The following HTR4 variants were observed in gnomAD, a reference collection of about 807,000 sequenced individuals.
HTR4 encodes the protein 5-hydroxytryptamine (serotonin) receptor 4, G protein-coupled.
Under a neutral mutation model 36.8 loss-of-function variants are expected in HTR4, and 16 were observed. That is an observed-to-expected ratio of 0.43 (90% CI 0.29 to 0.66). The LOEUF is 0.66. Among genes scored for constraint, HTR4 ranks in the 30% least tolerant of loss-of-function variants. The pLI, the probability that HTR4 is intolerant of heterozygous loss-of-function variation, is 0.13. For missense variants in HTR4, 438 were observed against 490.9 expected (o/e 0.89, Z 1.02); for synonymous variants, 189 against 185.1 (o/e 1.02, Z -0.17).
chr5:148,502,253 G>A (rs1756967858), intron 6 of HTR4, among the ~76,000 whole-genome samples: 2 of 152,134 alleles, frequency 1.3e-5, no homozygotes, highest in African/African-American at 4.8e-5. Flanking sequence ...CTCCAAGTGG[G>A]GGCAGACTGA....
In HTR4 at chr5:148,520,931, A is replaced by T. The variant is rs1413258995; in HGVS notation, c.507+2262T>A. On this transcript the variant is annotated intron_variant, in intron 5 of 6. Transcript: ENST00000377888. ...ACTTGTTCTGACATACCGCATGAAAATCCTGGCCCAGGCCTTGGTTTAGAC... is the reference window on the plus strand; with the variant it reads ...ACTTGTTCTGACATACCGCATGAAATTCCTGGCCCAGGCCTTGGTTTAGAC... 5.8e-6 allele frequency: 8 copies of T among 1,367,830 alleles called. No homozygotes were observed. In the South Asian group the frequency reaches 6.8e-5, roughly 12 times the overall value. 84.7% of individuals were successfully genotyped at this position (1,367,830 alleles called of 1,614,324 possible).
intron 4 of HTR4, among the ~76,000 whole-genome samples, chr5:148,535,809 A>G (rs753176180): frequency 1.2e-4 from 18 of 152,204 alleles, no homozygotes; most frequent in Non-Finnish European, 2.1e-4. Flanking sequence ...CTTGGAAAAC[A>G]TATTTCAGAA....
intron 2 of HTR4, among the ~76,000 whole-genome samples, chr5:148,631,261 T>C (rs577276629): frequency 2.6e-5 from 4 of 152,308 alleles, no homozygotes; most frequent in South Asian, 2.1e-4. Flanking sequence ...AGCAGTGAAG[T>C]TGAGTATTAT....
intron 6 of HTR4, chr5:148,484,414 T>C (rs1306305486): frequency 1.9e-6 from 3 of 1,586,618 alleles, no homozygotes; most frequent in East Asian, 2.2e-5. Flanking sequence ...CATGAATTAT[T>C]ATACAACAGT....
At chr5:148,537,663 C>T (rs1411560373) in intron 4 of HTR4, among the ~76,000 whole-genome samples, 5 of 152,082 alleles carry the variant, frequency 3.3e-5, no homozygotes, top group African/African-American at 1.2e-4. Context: ...CGGACACATA[C>T]ACCCTCCCAA....
chr5:148,559,572 T>C (rs1760098755), intron 2 of HTR4, among the ~76,000 whole-genome samples: 1 of 152,110 alleles, frequency 6.6e-6, no homozygotes, highest in Admixed American at 6.5e-5. Flanking sequence ...TCTTTCCCCC[T>C]AGGTTTCTTG....
intron 5 of HTR4, among the ~76,000 whole-genome samples, chr5:148,518,039 T>C (rs955892480): frequency 7.2e-5 from 11 of 152,138 alleles, no homozygotes; most frequent in Admixed American, 6.6e-4. Flanking sequence ...TTGCACTTGC[T>C]ATTTTTCTGG....
At chr5:148,641,907 G>T (rs146498591) in intron 1 of HTR4, among the ~76,000 whole-genome samples, 37 of 152,266 alleles carry the variant, frequency 2.4e-4, no homozygotes, top group African/African-American at 8.4e-4. Context: ...GTGAGCACAG[G>T]GTTCACATGT....
At chr5:148,538,050 GC>G (rs1758918060) in intron 4 of HTR4, among the ~76,000 whole-genome samples, 1 of 152,044 alleles carries the variant, frequency 6.6e-6, no homozygotes, top group Non-Finnish European at 1.5e-5. Context: ...GTAAGCTTCA[GC>G]CTCAGGATTC....
At chr5:148,514,580 T>A (rs1757644973) in intron 5 of HTR4, among the ~76,000 whole-genome samples, 1 of 152,162 alleles carries the variant, frequency 6.6e-6, no homozygotes, top group African/African-American at 2.4e-5. Context: ...CTTAACCCAA[T>A]GTCACTTACC....
At chr5:148,628,047 C>T (rs1035145498) in intron 2 of HTR4, among the ~76,000 whole-genome samples, 6 of 152,188 alleles carry the variant, frequency 3.9e-5, no homozygotes, top group Non-Finnish European at 7.4e-5. Context: ...CTCACAGTTA[C>T]GACTCTGGTA....
chr5:148,476,175 C>T (rs892464630), downstream of HTR4, among the ~76,000 whole-genome samples: 17 of 152,214 alleles, frequency 1.1e-4, no homozygotes, highest in African/African-American at 4.1e-4. Flanking sequence ...TGGGTCCATT[C>T]TACATCTCTG....
intron 6 of HTR4, among the ~76,000 whole-genome samples, chr5:148,503,220 A>G (rs370911055): frequency 6.6e-6 from 1 of 152,130 alleles, no homozygotes; most frequent in Non-Finnish European, 1.5e-5. Flanking sequence ...ATGAAGGAAA[A>G]AATGTTAAGG....
In HTR4 at chr5:148,523,349, G is replaced by A. The variant is rs368907191; in HGVS notation, c.354-3C>T. On this transcript the variant is annotated splice_polypyrimidine_tract_variant and splice_region_variant and intron_variant, in intron 4 of 6. Transcript: ENST00000377888. Reference sequence around the variant, plus strand: ...GCTGGCAGCAGATGGCGTAATACCTGGAGAGAGAATAGAGGGCAGAGCATA... The same window carrying A: ...GCTGGCAGCAGATGGCGTAATACCTAGAGAGAGAATAGAGGGCAGAGCATA... 1.2e-6 allele frequency: 2 copies of A among 1,605,272 alleles called. No individual in the cohort carries two copies. The highest frequency in any genetic ancestry group is 1.7e-6 in the Non-Finnish European group (2 of 1,176,676).
chr5:148,540,211 G>A lies in HTR4; in HGVS notation c.353+8457C>T, dbSNP rs556436315. Reference sequence around the variant, plus strand: ...CAAAAAAGGGAACAAAAGACATTGCGTCTACTTAAGAGTGGAGGCTGGGAG... The same window carrying A: ...CAAAAAAGGGAACAAAAGACATTGCATCTACTTAAGAGTGGAGGCTGGGAG... On this transcript the variant is annotated intron_variant, in intron 4 of 6. Transcript: ENST00000377888. Among the ~76,000 whole-genome samples the A allele has an allele frequency of 1.4e-3, 208 of 151,542 alleles. 1 individual carries two copies. Among genetic ancestry groups the A allele is most frequent in the African/African-American group, 3.7e-3 (151 of 41,326 alleles).
intron 2 of HTR4, among the ~76,000 whole-genome samples, chr5:148,636,230 T>G (rs1299519268): frequency 6.6e-6 from 1 of 152,220 alleles, no homozygotes; most frequent in Non-Finnish European, 1.5e-5. Context: ...GCCCCTGATC[T>G]ATACCTGAAA....
At chr5:148,640,193 A>G (rs1210679326) in intron 1 of HTR4, among the ~76,000 whole-genome samples, 1 of 152,220 alleles carries the variant, frequency 6.6e-6, no homozygotes, top group Non-Finnish European at 1.5e-5. Flanking sequence ...CTGGAGCAAC[A>G]GAGTATCCTG....
chr5:148,535,138 C>A (rs1341687267), intron 4 of HTR4, among the ~76,000 whole-genome samples: 1 of 152,160 alleles, frequency 6.6e-6, no homozygotes, highest in Non-Finnish European at 1.5e-5. Flanking sequence ...TTTATATACC[C>A]ACCTCTGAAA....
At chr5:148,627,978 G>A (rs540961051) in intron 2 of HTR4, among the ~76,000 whole-genome samples, 5 of 152,224 alleles carry the variant, frequency 3.3e-5, no homozygotes, top group South Asian at 2.1e-4. Flanking sequence ...ACAACTGTAC[G>A]CTGTGGCTAT....
Sources: gnomAD v4.1 joint callset for allele counts (sites outside exome capture counted in the v4.1 genomes callset) on GRCh38, gnomAD v4.1.1 for gene constraint, MANE v1.5 for transcripts, NCBI Gene and HGNC (gene_info 2026-07-23, HGNC 2026-07-21) for gene names.